Variants in FAM107B observed in about 807,000 individuals in gnomAD.
The protein encoded by FAM107B is family with sequence similarity 107 member B.
In FAM107B, 21 loss-of-function variants were observed where a neutral mutation model predicts 31.5. The observed-to-expected ratio is 0.67, with a 90% confidence interval of 0.47 to 0.96. The LOEUF (loss-of-function observed/expected upper bound fraction) is 0.96, where lower values mean the gene tolerates loss of function less well. FAM107B is among the 40% of genes least tolerant of loss of function. The pLI is 0.00. For missense variants in FAM107B, 452 were observed against 377.1 expected (o/e 1.20, Z -1.64); for synonymous variants, 157 against 141.5 (o/e 1.11, Z -0.78).
At chr10:14,552,266 G>C (rs1263546745) in intron 2 of FAM107B, among the ~76,000 whole-genome samples, 10 of 152,100 alleles carry the variant, frequency 6.6e-5, no homozygotes, top group Non-Finnish European at 1.2e-4. Context: ...CCAAAGTCCT[G>C]AACCCTAAAA....
chr10:14,725,162 C>G (rs1256782379), intron 1 of FAM107B, among the ~76,000 whole-genome samples: 1 of 152,142 alleles, frequency 6.6e-6, no homozygotes, highest in Non-Finnish European at 1.5e-5. Flanking sequence ...GACTCTCAGA[C>G]GGTCAGCATC....
chr10:14,675,693 A>G (rs949635345), intron 1 of FAM107B, among the ~76,000 whole-genome samples: 1 of 151,832 alleles, frequency 6.6e-6, no homozygotes, highest in Non-Finnish European at 1.5e-5. Flanking sequence ...AACATCTTAC[A>G]GTGGATAGCT....
chr10:14,721,874 CT>C, intron 1 of FAM107B, among the ~76,000 whole-genome samples: 1 of 152,222 alleles, frequency 6.6e-6, no homozygotes, highest in Middle Eastern at 3.4e-3. Context: ...TCTATTTTGG[CT>C]TTTGTTGCCA....
At chr10:14,671,195 T>A (rs556870006) in intron 1 of FAM107B, among the ~76,000 whole-genome samples, 1 of 152,364 alleles carries the variant, frequency 6.6e-6, no homozygotes, top group East Asian at 1.9e-4. Flanking sequence ...ATCAGTCTGC[T>A]GCATTTCCCT....
At chr10:14,589,192 GA>G (rs890201321) in intron 2 of FAM107B, among the ~76,000 whole-genome samples, 7 of 141,642 alleles carry the variant, frequency 4.9e-5, no homozygotes, top group East Asian at 4.1e-4. Flanking sequence ...AAAAAGAAAA[GA>G]AAAAAAAGAG....
intron 2 of FAM107B, among the ~76,000 whole-genome samples, chr10:14,623,647 G>A (rs1435792546): frequency 6.6e-6 from 1 of 152,200 alleles, no homozygotes; most frequent in Non-Finnish European, 1.5e-5. Flanking sequence ...CCAACATGGT[G>A]AAACCCCATC....
At chr10:14,627,383 C>A (rs974586443) in intron 2 of FAM107B, among the ~76,000 whole-genome samples, 1 of 152,120 alleles carries the variant, frequency 6.6e-6, no homozygotes, top group Non-Finnish European at 1.5e-5. Context: ...AGGAGATCAG[C>A]GGAATCTAAA....
intron 2 of FAM107B, among the ~76,000 whole-genome samples, chr10:14,531,897 A>G (rs1847062556): frequency 6.6e-6 from 1 of 152,206 alleles, no homozygotes; most frequent in Non-Finnish European, 1.5e-5. Context: ...CACATAACTT[A>G]CTTTGGAACC....
chr10:14,698,276 A>C (rs1163157638), intron 1 of FAM107B, among the ~76,000 whole-genome samples: 4 of 152,218 alleles, frequency 2.6e-5, no homozygotes, highest in Non-Finnish European at 5.9e-5. Flanking sequence ...GTCTAAATCT[A>C]CTGAGGTCCA....
At chr10:14,662,842 G>A (rs1052509331) in intron 2 of FAM107B, among the ~76,000 whole-genome samples, 3 of 152,190 alleles carry the variant, frequency 2.0e-5, no homozygotes, top group Non-Finnish European at 4.4e-5. Context: ...ATTGAAGGAT[G>A]CAAAGTATTG....
intron 2 of FAM107B, among the ~76,000 whole-genome samples, chr10:14,658,176 C>T (rs1053631677): frequency 6.6e-6 from 1 of 152,268 alleles, no homozygotes; most frequent in Middle Eastern, 3.4e-3. Context: ...GAAATAGAGA[C>T]AAAATGTTGA....
Position 14,748,248 on chromosome 10 carries a change from C to T in FAM107B, c.411+26005G>A, listed in dbSNP as rs75819122. Among the ~76,000 whole-genome samples the T allele has an allele frequency of 9.4e-3, 1,437 of 152,210 alleles. 22 individuals are homozygous for T. The highest frequency in any genetic ancestry group is 0.033 in the African/African-American group (1,370 of 41,506). On this transcript the variant is annotated intron_variant, in intron 1 of 4. Transcript: ENST00000181796. ...TTGTAATAAGTGCTCAATAAATGTACGTTGAAAGAATGAGTGAATGTCCTC... is the reference window on the plus strand; with the variant it reads ...TTGTAATAAGTGCTCAATAAATGTATGTTGAAAGAATGAGTGAATGTCCTC...
At chr10:14,726,369 A>G (rs926161185) in intron 1 of FAM107B, among the ~76,000 whole-genome samples, 1 of 152,112 alleles carries the variant, frequency 6.6e-6, no homozygotes, top group Admixed American at 6.5e-5. Context: ...ATCAGGGACA[A>G]TGGTGTTATT....
chr10:14,616,506 A>G (rs1852854446), intron 2 of FAM107B, among the ~76,000 whole-genome samples: 1 of 152,264 alleles, frequency 6.6e-6, no homozygotes, highest in Non-Finnish European at 1.5e-5. Flanking sequence ...TCAGCCTGGT[A>G]TAAAAAAATG....
chr10:14,687,740 A>C (rs1855024634), intron 1 of FAM107B, among the ~76,000 whole-genome samples: 3 of 152,164 alleles, frequency 2.0e-5, no homozygotes, highest in Non-Finnish European at 4.4e-5. Context: ...TTCTCTGCCC[A>C]ATTCTTATTC....
At chr10:14,768,161 T>C (rs12252385) in intron 1 of FAM107B, among the ~76,000 whole-genome samples, 6,598 of 152,238 alleles carry the variant, frequency 0.043, 315 homozygotes, top group African/African-American at 0.12. Context: ...AAGACATAAA[T>C]ATAATAAATG....
intron 2 of FAM107B, among the ~76,000 whole-genome samples, chr10:14,548,170 T>G (rs1047884522): frequency 6.6e-6 from 1 of 152,150 alleles, no homozygotes; most frequent in Non-Finnish European, 1.5e-5. Flanking sequence ...CTATGTCTCC[T>G]ACGGGGGAGC....
intron 2 of FAM107B, among the ~76,000 whole-genome samples, chr10:14,556,891 C>T (rs1849753740): frequency 6.6e-6 from 1 of 152,272 alleles, no homozygotes; most frequent in South Asian, 2.1e-4. Context: ...GGGCCTGCTT[C>T]TCATGCCTCA....
At chr10:14,649,399 G>A (rs1337869590) in intron 2 of FAM107B, among the ~76,000 whole-genome samples, 1 of 152,162 alleles carries the variant, frequency 6.6e-6, no homozygotes, top group African/African-American at 2.4e-5. Context: ...TGATCTAGGA[G>A]AGAATTAACT....
Sources: gnomAD v4.1 joint callset for allele counts (sites outside exome capture counted in the v4.1 genomes callset) on GRCh38, gnomAD v4.1.1 for gene constraint, MANE v1.5 for transcripts, NCBI Gene and HGNC (gene_info 2026-07-23, HGNC 2026-07-21) for gene names.